Variants in C10orf143 observed in about 807,000 individuals in gnomAD.
The protein encoded by C10orf143 is chromosome 10 open reading frame 143.
chr10:130,079,585 C>G lies in C10orf143; in HGVS notation c.278G>C (p.Arg93Thr), dbSNP rs771589932. 2.5e-6 allele frequency: 1 copy of G among 399,092 alleles called. No individual in the cohort carries two copies. The highest frequency in any genetic ancestry group is 4.4e-6 in the Non-Finnish European group (1 of 226,066). 24.7% of individuals were successfully genotyped at this position (399,092 alleles called of 1,614,324 possible). A position where few individuals can be genotyped will look rare whatever the true frequency, so the allele number is the denominator to read the frequency against. ...GGRSSAQPCPRCIAGESGHFS... is the reference protein window; with the variant it reads ...GGRSSAQPCPTCIAGESGHFS... ...ACTTACAGATTCCCCTGCAATACAT[C>G]TTGGGCAAGGCTGGGCTGAGCTCCT... Residue 93 changes from arginine (R) to threonine (T), a missense_variant, in exon 3 of 4, where the codon AGA (arginine) becomes ACA (threonine). Transcript: ENST00000637128.
intron 3 of C10orf143, among the ~76,000 whole-genome samples, chr10:130,036,715 C>T (rs754212125): frequency 1.1e-4 from 17 of 152,182 alleles, no homozygotes; most frequent in Admixed American, 2.0e-4. Flanking sequence ...TCCCAAAATA[C>T]GGACACAGCA....
chr10:130,080,587 C>T (rs757084606), intron 1 of C10orf143, among the ~76,000 whole-genome samples: 83 of 152,314 alleles, frequency 5.4e-4, no homozygotes, highest in Admixed American at 9.1e-4. Flanking sequence ...ATGGAGGCCA[C>T]CCTGGCCCAG....
At chr10:130,047,431 G>A (rs571338344) in intron 3 of C10orf143, among the ~76,000 whole-genome samples, 44 of 152,302 alleles carry the variant, frequency 2.9e-4, no homozygotes, top group African/African-American at 9.9e-4. Flanking sequence ...GGCACTGAGC[G>A]GGGCTGCGTA....
In C10orf143 at chr10:130,079,607, T is replaced by A. The variant is rs1861172962; in HGVS notation, c.256A>T (p.Ser86Cys). Residue 86 changes from serine to cysteine, a missense_variant, in exon 3 of 4, where the codon AGC becomes TGC. Ser to Cys is a moderately radical substitution (Grantham distance 112, BLOSUM62 -1). Transcript: ENST00000637128. ...CATCTTGGGCAAGGCTGGGCTGAGC[T>A]CCTTCCACCATTCTGAGAAATCTAG... ...STGISQNGGR[S>C]SAQPCPRCIA... 2.5e-6 allele frequency: 1 copy of A among 399,064 alleles called. No homozygotes were observed. The highest frequency in any genetic ancestry group is 4.4e-6 in the Non-Finnish European group (1 of 226,056). The allele number at this position is 399,064 out of a possible 1,614,324, so 24.7% of individuals were successfully genotyped here. A position where few individuals can be genotyped will look rare whatever the true frequency, so the allele number is the denominator to read the frequency against.
At chr10:130,099,632 G>A (rs1376362715) in intron 1 of C10orf143, among the ~76,000 whole-genome samples, 3 of 151,818 alleles carry the variant, frequency 2.0e-5, no homozygotes, top group East Asian at 3.9e-4. Flanking sequence ...TGCCTCGTGG[G>A]TTTAAGTGAT....
downstream of C10orf143, among the ~76,000 whole-genome samples, chr10:130,062,213 A>G (rs777204366): frequency 6.6e-6 from 1 of 152,168 alleles, no homozygotes; most frequent in African/African-American, 2.4e-5. Context: ...TTCCCTTCAC[A>G]GTCTGGAAAA....
Position 130,074,132 on chromosome 10 carries a change from A to T in C10orf143, c.297+5434T>A, listed in dbSNP as rs188499256. 1.2e-4 allele frequency among the ~76,000 whole-genome samples: 18 copies of T among 152,310 alleles called. No homozygotes were observed. In the East Asian group the frequency reaches 3.5e-3, roughly 29 times the overall value. ...CTTGGGGAGTGATGCCGGCATGCTGACTGCAAACACACTGATCAGCCAAAA... is the reference window on the plus strand; with the variant it reads ...CTTGGGGAGTGATGCCGGCATGCTGTCTGCAAACACACTGATCAGCCAAAA... On this transcript the variant is annotated intron_variant, in intron 3 of 3. Coordinates refer to ENST00000637128, the MANE Select transcript of C10orf143 (RefSeq NM_001355042.2).
chr10:130,047,901 G>A (rs1347646892), intron 3 of C10orf143, among the ~76,000 whole-genome samples: 1 of 151,930 alleles, frequency 6.6e-6, no homozygotes, highest in Non-Finnish European at 1.5e-5. Context: ...CTAAAGCACA[G>A]ATGTGCTTCC....
chr10:130,055,807 G>A (rs1239130103), intron 3 of C10orf143, among the ~76,000 whole-genome samples: 2 of 151,960 alleles, frequency 1.3e-5, no homozygotes, highest in African/African-American at 4.8e-5. Context: ...ATAGCCGGAT[G>A]TGGTGGTGCG....
intron 1 of C10orf143, chr10:130,104,078 C>T (rs540478423): frequency 6.6e-6 from 1 of 152,180 alleles, no homozygotes; most frequent in Non-Finnish European, 1.5e-5. Context: ...AGCAGGGGCA[C>T]TTACTGTGTA....
At chr10:130,045,673 T>TG (rs548638601) in intron 3 of C10orf143, among the ~76,000 whole-genome samples, 1 of 152,362 alleles carries the variant, frequency 6.6e-6, no homozygotes, top group Non-Finnish European at 1.5e-5. Flanking sequence ...TGCCATGGTA[T>TG]GTCCAGCCAC....
chr10:130,067,895 A>T (rs1860962991), intron 3 of C10orf143: 1 of 152,482 alleles, frequency 6.6e-6, no homozygotes, highest in Non-Finnish European at 1.5e-5. Flanking sequence ...GGCGAACAGG[A>T]GACCTCACAA....
chr10:130,080,652 G>A (rs1861191398), intron 1 of C10orf143, among the ~76,000 whole-genome samples: 1 of 152,186 alleles, frequency 6.6e-6, no homozygotes, highest in African/African-American at 2.4e-5. Context: ...CCCCGCTGCT[G>A]GACAGCCCTG....
chr10:130,099,820 C>T (rs1295544899), intron 1 of C10orf143, among the ~76,000 whole-genome samples: 1 of 148,132 alleles, frequency 6.8e-6, no homozygotes, highest in Non-Finnish European at 1.5e-5. Flanking sequence ...CACGCTCAAC[C>T]TAAATTTTTT....
chr10:130,106,927 C>T (rs772562184), intron 1 of C10orf143: 2 of 1,006,042 alleles, frequency 2.0e-6, no homozygotes, highest in Non-Finnish European at 1.6e-6. Flanking sequence ...TAGAAGTGAA[C>T]AGTGAATCAG....
At chr10:130,081,674 T>C (rs1196271546) in intron 1 of C10orf143, among the ~76,000 whole-genome samples, 2 of 150,960 alleles carry the variant, frequency 1.3e-5, no homozygotes, top group Admixed American at 1.3e-4. Context: ...GAAAGGCACT[T>C]CCACCTGGAA....
At chr10:130,061,397 C>G (rs901258075), downstream of C10orf143, among the ~76,000 whole-genome samples, 13 of 152,114 alleles carry the variant, frequency 8.5e-5, no homozygotes, top group African/African-American at 3.1e-4. Flanking sequence ...AAAAACATGT[C>G]AAATGATGTT....
Position 130,056,757 on chromosome 10 carries a change from A to C in C10orf143, c.298-20787T>G, listed in dbSNP as rs566433823. Among the ~76,000 whole-genome samples, 7 of 151,320 alleles carry C rather than the reference A, an allele frequency of 4.6e-5. No individual in the cohort carries two copies. The highest frequency in any genetic ancestry group is 1.7e-4 in the African/African-American group (7 of 41,276). ...CAGGCACCCACCACCGCACCTGGCTAATTTTTTGTATTTTTAGTAGAGACG... is the reference window on the plus strand; with the variant it reads ...CAGGCACCCACCACCGCACCTGGCTCATTTTTTGTATTTTTAGTAGAGACG... On this transcript the variant is annotated intron_variant and NMD_transcript_variant, in intron 3 of 5. Transcript: ENST00000643056. The surrounding 1 kb of genome is among the most constrained non-coding windows in gnomAD (Gnocchi z 4.6).
chr10:130,048,209 T>TG (rs1860698670), intron 3 of C10orf143, among the ~76,000 whole-genome samples: 1 of 152,154 alleles, frequency 6.6e-6, no homozygotes, highest in Admixed American at 6.5e-5. Flanking sequence ...GACGGCTGTC[T>TG]GGGGGTCAGC....
Sources: allele counts gnomAD v4.1 joint callset (sites outside exome capture counted in the v4.1 genomes callset), GRCh38; gene constraint gnomAD v4.1.1; non-coding constraint Gnocchi (gnomAD v3.1); transcripts MANE v1.5; gene names NCBI Gene and HGNC (gene_info 2026-07-23, HGNC 2026-07-21).